The following DAB1 variants were observed in gnomAD, a reference collection of about 807,000 sequenced individuals.
DAB1 encodes disabled homolog 1.
DAB1 carries 15 observed loss-of-function variants against 64.6 expected under a neutral mutation model. That is an observed-to-expected ratio of 0.23 (90% confidence interval 0.16 to 0.36). The LOEUF (loss-of-function observed/expected upper bound fraction) is 0.36. Among genes scored for constraint, DAB1 ranks in the 10% least tolerant of loss-of-function variants. The pLI, the probability that DAB1 is intolerant of heterozygous loss-of-function variation, is 1.00. For synonymous variants in DAB1, 235 were observed against 251.9 expected (o/e 0.93, Z 0.64); for missense variants, 596 against 706.7 (o/e 0.84, Z 1.78).
At chr1:58,461,586 T>A (rs1474326057) in intron 3 of DAB1, among the ~76,000 whole-genome samples, 1 of 152,070 alleles carries the variant, frequency 6.6e-6, no homozygotes, top group African/African-American at 2.4e-5. Flanking sequence ...AAAACCACAG[T>A]CAACCCCAGC....
At chr1:57,116,003 G>A (rs1353116455) in intron 4 of DAB1, among the ~76,000 whole-genome samples, 2 of 152,094 alleles carry the variant, frequency 1.3e-5, no homozygotes, top group African/African-American at 2.4e-5. Flanking sequence ...CTGTGATGTG[G>A]GGTTGCCAGT....
At chr1:58,069,447 C>T (rs953717023) in intron 5 of DAB1, among the ~76,000 whole-genome samples, 1 of 152,174 alleles carries the variant, frequency 6.6e-6, no homozygotes, top group Non-Finnish European at 1.5e-5. Flanking sequence ...AGAATTGTAA[C>T]TATCCTTTGT....
intron 6 of DAB1, among the ~76,000 whole-genome samples, chr1:57,716,433 C>T (rs1361438899): frequency 1.3e-5 from 2 of 152,136 alleles, no homozygotes; most frequent in Non-Finnish European, 2.9e-5. Context: ...GAAATAAATC[C>T]ATGTATTTAT....
intron 3 of DAB1, among the ~76,000 whole-genome samples, chr1:58,433,314 T>G (rs1644899973): frequency 6.6e-6 from 1 of 152,068 alleles, no homozygotes; most frequent in Admixed American, 6.5e-5. Flanking sequence ...TGATTCTAAA[T>G]AATGTGGTCA....
intron 5 of DAB1, among the ~76,000 whole-genome samples, chr1:57,996,696 T>C (rs187169413): frequency 6.6e-6 from 1 of 152,226 alleles, no homozygotes; most frequent in African/African-American, 2.4e-5. Context: ...TAGCTCTGCA[T>C]AGATGTCAGA....
chr1:57,575,888 G>A lies in DAB1; in HGVS notation n.625+73704C>T, dbSNP rs114348676. Among the ~76,000 whole-genome samples the A allele has an allele frequency of 5.7e-3, 867 of 152,262 alleles. 5 individuals are homozygous for A. Among genetic ancestry groups the A allele is most frequent in the Non-Finnish European group, 7.2e-3 (488 of 68,018 alleles). ...TATACTGATAATTAATAAGCAAGGA[G>A]GAATTGTACCTAGGTGGCATTACGG... On this transcript the variant is annotated intron_variant and non_coding_transcript_variant, in intron 7 of 20. Transcript: ENST00000485760.
chr1:57,869,331 T>C (rs962344879), intron 1 of DAB1, among the ~76,000 whole-genome samples: 1 of 152,120 alleles, frequency 6.6e-6, no homozygotes, highest in Non-Finnish European at 1.5e-5. Context: ...AATGGAAGTT[T>C]CCTACAGACA....
chr1:57,797,293 C>T (rs562615012), intron 6 of DAB1, among the ~76,000 whole-genome samples: 9 of 152,180 alleles, frequency 5.9e-5, no homozygotes, highest in Admixed American at 2.0e-4. Context: ...AACTAGGTCC[C>T]TTAGGCTCAG....
Position 58,300,601 on chromosome 1 carries a change from A to G in DAB1, n.309+42751T>C, listed in dbSNP as rs570068599. On this transcript the variant is annotated intron_variant and non_coding_transcript_variant, in intron 4 of 20. Coordinates refer to the DAB1 transcript ENST00000485760. ...GAAAGAAAGAAAGAAAGAAAGAAAGAAAGAAAGAAAGAGAGAGAGAGAGAG... is the reference window on the plus strand; with the variant it reads ...GAAAGAAAGAAAGAAAGAAAGAAAGGAAGAAAGAAAGAGAGAGAGAGAGAG... Among the ~76,000 whole-genome samples the G allele has an allele frequency of 2.4e-3, 80 of 33,498 alleles. 6 individuals carry two copies. Among genetic ancestry groups the G allele is most frequent in the African/African-American group, 7.1e-3 (76 of 10,686 alleles). The allele number at this position is 33,498 out of a possible 152,430, so 22.0% of individuals were successfully genotyped here.
intron 3 of DAB1, among the ~76,000 whole-genome samples, chr1:58,395,959 GAAA>G: frequency 6.6e-6 from 1 of 152,282 alleles, no homozygotes; most frequent in South Asian, 2.1e-4. Flanking sequence ...TTACACACAA[GAAA>G]ATTGGGGTTT....
intron 5 of DAB1, among the ~76,000 whole-genome samples, chr1:58,092,096 G>C (rs944856102): frequency 1.3e-5 from 2 of 152,020 alleles, no homozygotes; most frequent in Non-Finnish European, 2.9e-5. Flanking sequence ...CAGCACTTTG[G>C]GTGGCGCAGG....
intron 6 of DAB1, among the ~76,000 whole-genome samples, chr1:57,688,907 A>G (rs1646731614): frequency 6.6e-6 from 1 of 152,124 alleles, no homozygotes; most frequent in South Asian, 2.1e-4. Flanking sequence ...GACACTGTGG[A>G]CCACCAGAGT....
At chr1:57,890,504 G>A (rs1300609490) in intron 5 of DAB1, among the ~76,000 whole-genome samples, 1 of 139,588 alleles carries the variant, frequency 7.2e-6, no homozygotes, top group Admixed American at 7.7e-5. Context: ...TGCCTAGGCT[G>A]AAGTGCAGTG....
upstream of DAB1, chr1:57,884,285 G>C (rs1323297715): frequency 6.6e-6 from 1 of 152,266 alleles, no homozygotes; most frequent in African/African-American, 2.4e-5. Flanking sequence ...ATTTGAAAGT[G>C]TGCATGGTAC....
chr1:57,154,580 A>G (rs911281571), intron 2 of DAB1, among the ~76,000 whole-genome samples: 7 of 152,210 alleles, frequency 4.6e-5, no homozygotes, highest in African/African-American at 1.4e-4. Flanking sequence ...TTGCTAGATC[A>G]TATTGTAGCT....
chr1:58,107,690 C>T (rs994395786), intron 5 of DAB1, among the ~76,000 whole-genome samples: 31 of 151,886 alleles, frequency 2.0e-4, no homozygotes, highest in African/African-American at 7.3e-4. Flanking sequence ...AATCTCAGCT[C>T]ACTGCAACCT....
At chr1:57,476,226 C>CA (rs57483030) in intron 7 of DAB1, among the ~76,000 whole-genome samples, 2,122 of 56,780 alleles carry the variant, frequency 0.037, 45 homozygotes, top group East Asian at 0.23. Context: ...AACTCCACTT[C>CA]AAAAAAAAAA....
intron 5 of DAB1, among the ~76,000 whole-genome samples, chr1:58,094,024 T>A (rs1365247831): frequency 6.6e-6 from 1 of 152,142 alleles, no homozygotes; most frequent in East Asian, 1.9e-4. Flanking sequence ...TGGTCCTGAT[T>A]GGTGGAATCT....
chr1:57,386,386 A>AAAAAAAAAG lies in DAB1; in HGVS notation c.-137+37543_-137+37544insCTTTTTTTT, dbSNP rs548332875. On this transcript the variant is annotated intron_variant, in intron 1 of 14. Transcript: ENST00000371236. ...CTTGGGAAAAAAAAAAAAAAAAAAAAACCCGTCTTTTTCATCTCCATAAAC... is the reference window on the plus strand; with the variant it reads ...CTTGGGAAAAAAAAAAAAAAAAAAAAAAAAAAAAGACCCGTCTTTTTCATCTCCATAAAC... Among the ~76,000 whole-genome samples the AAAAAAAAAG allele has an allele frequency of 7.6e-5, 11 of 144,306 alleles. 1 individual carries two copies. Among genetic ancestry groups the AAAAAAAAAG allele is most frequent in the African/African-American group, 2.1e-4 (8 of 37,892 alleles). The allele number at this position is 144,306 out of a possible 152,430, so 94.7% of individuals were successfully genotyped here. A position where few individuals can be genotyped will look rare whatever the true frequency, so the allele number is the denominator to read the frequency against.
Sources: allele counts gnomAD v4.1 joint callset (sites outside exome capture counted in the v4.1 genomes callset), GRCh38; gene constraint gnomAD v4.1.1; transcripts MANE v1.5; gene names NCBI Gene and HGNC (gene_info 2026-07-23, HGNC 2026-07-21).